The following COL19A1 variants were observed in gnomAD, a reference collection of about 807,000 sequenced individuals.
The protein encoded by COL19A1 is collagen alpha-1(XIX) chain.
Under a neutral mutation model 190.2 loss-of-function variants are expected in COL19A1, and 159 were observed. The observed-to-expected ratio is 0.84, with a 90% CI of 0.73 to 0.95. COL19A1 has a LOEUF of 0.95. Ranked by LOEUF, COL19A1 falls within the 40% of genes least tolerant of loss-of-function variation. The pLI, the probability that COL19A1 is intolerant of heterozygous loss-of-function variation, is 0.00. For missense variants in COL19A1, 1,418 were observed against 1,431.9 expected, an observed-to-expected ratio of 0.99 and a Z score of 0.16; for synonymous variants, 509 against 458.9, an observed-to-expected ratio of 1.11 and a Z score of -1.39.
At chr6:70,078,370 G>A (rs575389818) in intron 15 of COL19A1, among the ~76,000 whole-genome samples, 11 of 152,326 alleles carry the variant, frequency 7.2e-5, no homozygotes, top group South Asian at 4.1e-4. Context: ...ACCTGTAACA[G>A]AGTGAGGGAA....
intron 11 of COL19A1, among the ~76,000 whole-genome samples, chr6:69,992,640 T>C (rs1213364821): frequency 6.6e-6 from 1 of 152,102 alleles, no homozygotes; most frequent in East Asian, 1.9e-4. Context: ...TCAGTAGTGT[T>C]TGGTAATTCT....
chr6:70,053,700 T>C (rs534622202), intron 14 of COL19A1, among the ~76,000 whole-genome samples: 165 of 152,320 alleles, frequency 1.1e-3, no homozygotes, highest in African/African-American at 2.9e-3. Context: ...CTCAGATGTA[T>C]TTAGATATCA....
chr6:70,103,137 T>C (rs960219683), intron 16 of COL19A1, among the ~76,000 whole-genome samples: 86 of 152,302 alleles, frequency 5.6e-4, no homozygotes, highest in African/African-American at 2.0e-3. Context: ...GGAAGTCTCC[T>C]AGCTACCACA....
intron 35 of COL19A1, 107 bp from the exon 36 acceptor site, chr6:70,163,236 T>A: frequency 1.0e-6 from 1 of 955,312 alleles, no homozygotes; most frequent in South Asian, 1.5e-5. Context: ...CTTATTTAAT[T>A]AGGATCAAAT....
intron 27 of COL19A1, 91 bp downstream of exon 27, chr6:70,146,980 G>T (rs140544583): frequency 3.5e-6 from 4 of 1,135,660 alleles, no homozygotes; most frequent in East Asian, 5.0e-5. Flanking sequence ...GAATAGAAAG[G>T]TCAGAGACGG....
At chr6:70,167,150 C>T (rs75935571) in intron 37 of COL19A1, among the ~76,000 whole-genome samples, 2,216 of 152,240 alleles carry the variant, frequency 0.015, 81 homozygotes, top group East Asian at 0.13. Flanking sequence ...ATGGATGGAG[C>T]GTTTGTCTTC....
intron 9 of COL19A1, among the ~76,000 whole-genome samples, chr6:69,948,118 C>G (rs1773926687): frequency 6.6e-6 from 1 of 151,830 alleles, no homozygotes; most frequent in South Asian, 2.1e-4. Flanking sequence ...TTCTACCAAT[C>G]TTTTTCTAAA....
chr6:70,200,437 TA>T (rs1001377543), intron 49 of COL19A1, among the ~76,000 whole-genome samples: 4 of 152,176 alleles, frequency 2.6e-5, no homozygotes, highest in African/African-American at 9.7e-5. Context: ...GGCCCAGGCT[TA>T]GAAGAGTCAA....
intron 2 of COL19A1, among the ~76,000 whole-genome samples, chr6:69,898,352 A>G (rs972718726): frequency 4.6e-5 from 7 of 152,202 alleles, no homozygotes; most frequent in South Asian, 2.1e-4. Flanking sequence ...AGTATTAAAC[A>G]TGTACATTCA....
intron 14 of COL19A1, among the ~76,000 whole-genome samples, chr6:70,038,924 G>A (rs1184188048): frequency 6.6e-6 from 1 of 152,130 alleles, no homozygotes; most frequent in East Asian, 1.9e-4. Context: ...GGGCATGGTG[G>A]TGTGTGCCTG....
chr6:69,979,701 G>A (rs1450608788), intron 11 of COL19A1, among the ~76,000 whole-genome samples: 2 of 151,506 alleles, frequency 1.3e-5, no homozygotes, highest in East Asian at 1.9e-4. Context: ...GACTCTATAG[G>A]TAGAAAATCT....
At chr6:69,881,167 T>G (rs919204298) in intron 2 of COL19A1, among the ~76,000 whole-genome samples, 1 of 152,186 alleles carries the variant, frequency 6.6e-6, no homozygotes, top group African/African-American at 2.4e-5. Flanking sequence ...GTAATTTACA[T>G]CTTTAACAAG....
intron 9 of COL19A1, among the ~76,000 whole-genome samples, chr6:69,959,597 T>C (rs2150043552): frequency 6.6e-6 from 1 of 152,276 alleles, no homozygotes. Flanking sequence ...GATAGTTTTG[T>C]TGTCAAAACA....
intron 15 of COL19A1, among the ~76,000 whole-genome samples, chr6:70,068,997 T>G (rs531841857): frequency 3.3e-5 from 5 of 152,232 alleles, no homozygotes; most frequent in African/African-American, 1.2e-4. Context: ...AATTTCATCA[T>G]TCCACAGTAA....
At position 70,078,026 on chromosome 6, in the gene COL19A1, A is replaced by T. The variant is rs576871700; in HGVS notation, c.1224+9550A>T. 2.6e-5 allele frequency among the ~76,000 whole-genome samples: 4 copies of T among 152,332 alleles called. No individual in the cohort carries two copies. The South Asian group carries it at 8.3e-4, about 32-fold the overall frequency. ...CAGAAACATTTCCATAGCTTTGTGC[A>T]TTTATTCAATCATGTTTATAGTTTA... is the stretch of plus-strand genomic sequence containing the variant. On this transcript the variant is annotated intron_variant, in intron 15 of 50. Coordinates refer to ENST00000620364, the MANE Select transcript of COL19A1 (RefSeq NM_001858.6).
At position 70,207,360 on chromosome 6, in the gene COL19A1, GTTGCTT is replaced by G; in HGVS notation, c.*89_*94del. The G allele has an allele frequency of 1.3e-6, 1 of 759,220 alleles. No individual in the cohort carries two copies. The highest frequency in any genetic ancestry group is 4.1e-5 in the East Asian group (1 of 24,270). The allele number at this position is 759,220 out of a possible 1,614,324, so 47.0% of individuals were successfully genotyped here. On this transcript the variant is annotated 3_prime_UTR_variant, in exon 51 of 51. Transcript: ENST00000620364. Reference sequence around the variant, plus strand: ...ACCGTCAAACCCTCATCATCTGTGGGTTGCTTTTTTTTTTTTTTTTTTTTTTTGGGA... The same window carrying G: ...ACCGTCAAACCCTCATCATCTGTGGGTTTTTTTTTTTTTTTTTTTTTGGGA...
intron 4 of COL19A1, among the ~76,000 whole-genome samples, chr6:69,911,216 T>G (rs1414899456): frequency 6.6e-6 from 1 of 152,202 alleles, no homozygotes; most frequent in Non-Finnish European, 1.5e-5. Flanking sequence ...AACTGATAAA[T>G]CATTACTTTA....
rs759686543 is a variant in COL19A1, at chr6:70,199,755, T to C, written c.3223+19T>C. On this transcript the variant is annotated intron_variant, in intron 49 of 50. Coordinates refer to ENST00000620364, the MANE Select transcript of COL19A1 (RefSeq NM_001858.6). The stretch of plus-strand genomic sequence containing the variant: ...CCCCAAGGTAAGTCTTCAAGTGTAA[T>C]ATTGGCTTATTGATTTTTAACTCTC... 2 of 1,577,282 alleles carry C rather than the reference T, an allele frequency of 1.3e-6. No homozygotes were observed. Among genetic ancestry groups the C allele is most frequent in the East Asian group, 4.5e-5 (2 of 44,040 alleles).
intron 11 of COL19A1, among the ~76,000 whole-genome samples, chr6:69,973,458 T>C (rs1424548881): frequency 6.6e-6 from 1 of 152,190 alleles, no homozygotes; most frequent in Non-Finnish European, 1.5e-5. Flanking sequence ...ATTTTTGTAT[T>C]CAAAAACAAG....
Sources: gnomAD v4.1 joint callset for allele counts (sites outside exome capture counted in the v4.1 genomes callset) on GRCh38, gnomAD v4.1.1 for gene constraint, MANE v1.5 for transcripts, NCBI Gene and HGNC (gene_info 2026-07-23, HGNC 2026-07-21) for gene names.